CDK19: variants seen among roughly 807,000 people sequenced by gnomAD.
CDK19 encodes the protein cyclin dependent kinase 19, also known as cyclin-dependent kinase 19.
A neutral mutation model predicts 68.3 loss-of-function variants in CDK19; 20 were observed. The ratio of observed to expected loss-of-function variants is 0.29; its 90% confidence interval spans 0.21 to 0.43. The LOEUF is 0.43. CDK19 is among the 20% of genes least tolerant of loss of function. CDK19 has a pLI of 1.00. For missense variants in CDK19, 339 were observed against 623.5 expected, an observed-to-expected ratio of 0.54 and a Z score of 4.86; for synonymous variants, 221 against 222.8, an observed-to-expected ratio of 0.99 and a Z score of 0.07.
intron 2 of CDK19, 50 bp from the exon 3 acceptor site, chr6:110,670,591 G>C: frequency 9.4e-7 from 1 of 1,059,338 alleles, no homozygotes; most frequent in Non-Finnish European, 1.5e-6. Flanking sequence ...CAAGGAGGGG[G>C]AAATGATGAA....
At chr6:110,666,438 AAAAAAAAAAAAAAAAAT>A in intron 4 of CDK19, among the ~76,000 whole-genome samples, 1 of 135,012 alleles carries the variant, frequency 7.4e-6, no homozygotes, top group African/African-American at 2.8e-5. Context: ...AAAAAAAAAA[AAAAAAAAAAAAAAAAAT>A]TATAAGGAGA....
intron 2 of CDK19, among the ~76,000 whole-genome samples, chr6:110,721,625 C>A (rs1048587361): frequency 6.6e-6 from 1 of 152,188 alleles, no homozygotes; most frequent in East Asian, 1.9e-4. Flanking sequence ...AAAACCCTTG[C>A]CAGATAAGAA....
chr6:110,655,163 C>T (rs1348872968), intron 4 of CDK19, among the ~76,000 whole-genome samples: 12 of 151,808 alleles, frequency 7.9e-5, no homozygotes, highest in Non-Finnish European at 1.0e-4. Context: ...GTCAGAAGTT[C>T]GAGACCAGCT....
intron 2 of CDK19, among the ~76,000 whole-genome samples, chr6:110,741,525 G>A (rs1048650675): frequency 5.4e-5 from 8 of 148,094 alleles, no homozygotes; most frequent in Non-Finnish European, 7.5e-5. Context: ...TTTCAAATTT[G>A]ATGAAAAACA....
chr6:110,692,605 G>T (rs545869076), intron 2 of CDK19, among the ~76,000 whole-genome samples: 12 of 152,262 alleles, frequency 7.9e-5, no homozygotes, highest in Admixed American at 5.9e-4. Flanking sequence ...TTTGGCTAGA[G>T]ATTTAGATAT....
At chr6:110,717,064 A>C (rs1445730053) in intron 2 of CDK19, among the ~76,000 whole-genome samples, 1 of 152,144 alleles carries the variant, frequency 6.6e-6, no homozygotes, top group African/African-American at 2.4e-5. Flanking sequence ...CCTGGGAGGC[A>C]CAGGTTGGGG....
At chr6:110,741,297 A>C (rs929036558) in intron 2 of CDK19, among the ~76,000 whole-genome samples, 5 of 150,112 alleles carry the variant, frequency 3.3e-5, no homozygotes, top group Admixed American at 3.3e-4. Context: ...CTTTACAAAA[A>C]ATTAAAAAAA....
At chr6:110,749,089 T>C (rs1328848015) in intron 1 of CDK19, among the ~76,000 whole-genome samples, 2 of 152,242 alleles carry the variant, frequency 1.3e-5, no homozygotes, top group Admixed American at 6.5e-5. Flanking sequence ...TTAGATAGTA[T>C]GATTAGAGCA....
At chr6:110,757,468 A>G (rs1303972927) in intron 1 of CDK19, among the ~76,000 whole-genome samples, 1 of 152,250 alleles carries the variant, frequency 6.6e-6, no homozygotes, top group Non-Finnish European at 1.5e-5. Flanking sequence ...ATTGTGGTTC[A>G]AATAAAAATA....
chr6:110,718,342 C>T (rs1775564921), intron 2 of CDK19, among the ~76,000 whole-genome samples: 1 of 152,064 alleles, frequency 6.6e-6, no homozygotes, highest in Non-Finnish European at 1.5e-5. Flanking sequence ...TGTATATATT[C>T]GAGGTGTGGA....
At chr6:110,675,866 GCTTTCC>G (rs1196244853) in intron 2 of CDK19, among the ~76,000 whole-genome samples, 6 of 152,162 alleles carry the variant, frequency 3.9e-5, no homozygotes, top group African/African-American at 1.4e-4. Flanking sequence ...GATTAATGCT[GCTTTCC>G]TGTTTGCTAA....
At chr6:110,744,113 TCTC>T (rs1777895031) in intron 2 of CDK19, among the ~76,000 whole-genome samples, 1 of 147,462 alleles carries the variant, frequency 6.8e-6, no homozygotes, top group African/African-American at 2.5e-5. Context: ...TTCAAGCAAT[TCTC>T]CTGTCTCAGC....
intron 2 of CDK19, among the ~76,000 whole-genome samples, chr6:110,703,246 G>A (rs1228426223): frequency 6.6e-6 from 1 of 152,078 alleles, no homozygotes; most frequent in Non-Finnish European, 1.5e-5. Context: ...GCAAGAAAGA[G>A]CCAGACCAAG....
chr6:110,685,193 C>T (rs1369078120), intron 2 of CDK19, among the ~76,000 whole-genome samples: 1 of 152,166 alleles, frequency 6.6e-6, no homozygotes, highest in African/African-American at 2.4e-5. Context: ...GTGCTACATA[C>T]TCTGCTTCTT....
intron 1 of CDK19, among the ~76,000 whole-genome samples, chr6:110,781,205 T>C (rs1389647148): frequency 2.6e-5 from 4 of 152,174 alleles, no homozygotes; most frequent in South Asian, 2.1e-4. Context: ...CTGCTTCCGA[T>C]GAGGGCCTCA....
At chr6:110,702,201 T>C (rs1170759733) in intron 2 of CDK19, among the ~76,000 whole-genome samples, 1 of 152,112 alleles carries the variant, frequency 6.6e-6, no homozygotes, top group Non-Finnish European at 1.5e-5. Flanking sequence ...ATTCCAGCAC[T>C]TTGGGAGGCA....
intron 2 of CDK19, among the ~76,000 whole-genome samples, chr6:110,691,370 A>G (rs1383318013): frequency 1.3e-5 from 2 of 151,912 alleles, no homozygotes; most frequent in African/African-American, 4.8e-5. Context: ...GCTGCTCAGG[A>G]GGCTGAGGCA....
chr6:110,628,029 G>A (rs1779199742), intron 6 of CDK19, among the ~76,000 whole-genome samples: 2 of 152,046 alleles, frequency 1.3e-5, no homozygotes, highest in South Asian at 4.1e-4. Flanking sequence ...GACCAACATG[G>A]TGAAACCCTG....
chr6:110,621,227 G>T lies in CDK19; in HGVS notation c.1254C>A (p.Gly418=). The T allele has an allele frequency of 1.2e-6, 2 of 1,613,296 alleles. No homozygotes were observed. The highest frequency in any genetic ancestry group is 1.7e-6 in the Non-Finnish European group (2 of 1,179,974). The change falls in exon 12 of 13, where the codon GGC becomes GGA. Residue 418 remains glycine (G), a synonymous_variant. Transcript: ENST00000368911. This position sits in a 1 kb window ranked among gnomAD's most constrained non-coding sequence, Gnocchi z 5.4. ...TAGGAGAGVG[G]TGAGLQHSQD... ...GGCTGTGCTGCAACCCTGCTCCGGT[G>T]CCCCCGACCCCGGCCCCAGCCCCAC...
Sources: gnomAD v4.1 joint callset for allele counts (sites outside exome capture counted in the v4.1 genomes callset) on GRCh38, gnomAD v4.1.1 for gene constraint, Gnocchi (gnomAD v3.1) non-coding constraint, MANE v1.5 for transcripts, NCBI Gene and HGNC (gene_info 2026-07-23, HGNC 2026-07-21) for gene names.